Variants in FHIT observed in about 807,000 individuals in gnomAD.
The protein encoded by FHIT is bis(5'-adenosyl)-triphosphatase.
A neutral mutation model predicts 17.9 loss-of-function variants in FHIT; 19 were observed. That is an observed-to-expected ratio of 1.06 (90% CI 0.74 to 1.56). The LOEUF is 1.56. Among genes scored for constraint, FHIT ranks in the 40% most tolerant of loss-of-function variants. FHIT has a pLI of 0.00. For missense variants in FHIT, 248 were observed against 189.2 expected (o/e 1.31, Z -1.82); for synonymous variants, 81 against 69.7 (o/e 1.16, Z -0.81).
At chr3:60,500,771 TAA>T (rs71092606) in intron 5 of FHIT, among the ~76,000 whole-genome samples, 2,150 of 64,772 alleles carry the variant, frequency 0.033, 68 homozygotes, top group African/African-American at 0.12. Context: ...AGCATCCATC[TAA>T]AAAAAAAAAA....
chr3:60,275,233 A>C (rs2107635251), intron 5 of FHIT, among the ~76,000 whole-genome samples: 1 of 151,272 alleles, frequency 6.6e-6, no homozygotes, highest in African/African-American at 2.4e-5. Context: ...AAGAAAAGAA[A>C]AAAAAAAAAA....
intron 4 of FHIT, among the ~76,000 whole-genome samples, chr3:60,637,592 G>A (rs1157647343): frequency 6.6e-6 from 1 of 151,968 alleles, no homozygotes; most frequent in African/African-American, 2.4e-5. Context: ...ATTCCTATTG[G>A]CTGTCTATTG....
intron 4 of FHIT, among the ~76,000 whole-genome samples, chr3:60,624,870 TGATAA>T (rs139394415): frequency 0.013 from 1,900 of 151,914 alleles, 36 homozygotes; most frequent in African/African-American, 0.042. Flanking sequence ...ATTCAGAAAT[TGATAA>T]GATATTTGGC....
intron 2 of FHIT, among the ~76,000 whole-genome samples, chr3:61,135,328 C>T (rs988721020): frequency 5.3e-5 from 8 of 152,144 alleles, no homozygotes; most frequent in East Asian, 3.8e-4. Flanking sequence ...ATAGAGAAGG[C>T]GTTGTACTCC....
At chr3:61,163,109 A>C (rs1044224754) in intron 2 of FHIT, among the ~76,000 whole-genome samples, 1 of 152,120 alleles carries the variant, frequency 6.6e-6, no homozygotes, top group Non-Finnish European at 1.5e-5. Flanking sequence ...CTCTCTGCAC[A>C]TGCCATTTCC....
intron 4 of FHIT, among the ~76,000 whole-genome samples, chr3:60,728,485 G>A (rs1182974293): frequency 1.1e-4 from 16 of 151,920 alleles, no homozygotes; most frequent in African/African-American, 3.6e-4. Context: ...AAAAACAGAC[G>A]TTTGTATTCC....
At chr3:60,292,614 T>C (rs1016711993) in intron 5 of FHIT, among the ~76,000 whole-genome samples, 7 of 152,158 alleles carry the variant, frequency 4.6e-5, no homozygotes, top group African/African-American at 7.2e-5. Flanking sequence ...ATTCTATCTG[T>C]GACTTGATAA....
chr3:60,861,818 C>T (rs1703915195), intron 3 of FHIT, among the ~76,000 whole-genome samples: 1 of 151,458 alleles, frequency 6.6e-6, no homozygotes, highest in Non-Finnish European at 1.5e-5. Context: ...TTTAAAAAAG[C>T]TAGTTTGTGT....
At chr3:59,906,509 C>G (rs371326330) in intron 8 of FHIT, among the ~76,000 whole-genome samples, 7 of 152,282 alleles carry the variant, frequency 4.6e-5, no homozygotes, top group African/African-American at 1.7e-4. Flanking sequence ...ACATTGAAAC[C>G]TATTTAGCAA....
intron 5 of FHIT, among the ~76,000 whole-genome samples, chr3:60,254,244 A>C (rs1391304809): frequency 6.6e-6 from 1 of 152,198 alleles, no homozygotes; most frequent in Non-Finnish European, 1.5e-5. Context: ...TCTTGAGTGA[A>C]ATCATTTCCC....
chr3:60,629,248 T>G (rs1292256012), intron 4 of FHIT, among the ~76,000 whole-genome samples: 3 of 152,026 alleles, frequency 2.0e-5, no homozygotes, highest in Non-Finnish European at 4.4e-5. Flanking sequence ...CTGCCCAGAG[T>G]GGAGGCTCCA....
At chr3:61,210,301 C>T (rs1021693200) in intron 1 of FHIT, among the ~76,000 whole-genome samples, 3 of 152,308 alleles carry the variant, frequency 2.0e-5, no homozygotes, top group South Asian at 2.1e-4. Flanking sequence ...TCTCAAGCTG[C>T]GTGCTGGGAG....
chr3:60,525,454 G>C (rs1304793994), intron 5 of FHIT, among the ~76,000 whole-genome samples: 1 of 151,828 alleles, frequency 6.6e-6, no homozygotes, highest in Non-Finnish European at 1.5e-5. Context: ...TTTTTTTTAA[G>C]ATTTATGTCA....
intron 5 of FHIT, among the ~76,000 whole-genome samples, chr3:60,534,856 T>G (rs1411236787): frequency 3.3e-5 from 5 of 152,216 alleles, no homozygotes; most frequent in Non-Finnish European, 5.9e-5. Context: ...TCACTACAGA[T>G]ATTTTCCTAG....
chr3:60,511,133 T>G lies in FHIT; in HGVS notation c.103+25727A>C, dbSNP rs2611402. Among the ~76,000 whole-genome samples, 740 of 152,298 alleles carry G rather than the reference T, an allele frequency of 4.9e-3. 6 individuals carry two copies. Among genetic ancestry groups the G allele is most frequent in the Middle Eastern group, 0.027 (8 of 294 alleles). On this transcript the variant is annotated intron_variant, in intron 5 of 9. Coordinates refer to ENST00000492590, the MANE Select transcript of FHIT (RefSeq NM_002012.4). ...TCTCATGTCTGCCCATTACTTTCAG[T>G]GAGACTTTGCATAAGGTTATCCATC...
chr3:60,497,187 C>T (rs1299526151), intron 5 of FHIT, among the ~76,000 whole-genome samples: 1 of 152,036 alleles, frequency 6.6e-6, no homozygotes, highest in Non-Finnish European at 1.5e-5. Flanking sequence ...CACAGGACAG[C>T]CCCCACAAGA....
At chr3:59,825,630 A>T (rs573119995) in intron 8 of FHIT, among the ~76,000 whole-genome samples, 1 of 152,340 alleles carries the variant, frequency 6.6e-6, no homozygotes, top group East Asian at 1.9e-4. Flanking sequence ...TAAGGCACAG[A>T]CAGTTTAAGA....
chr3:60,217,390 T>G (rs1170730635), intron 5 of FHIT, among the ~76,000 whole-genome samples: 1 of 152,222 alleles, frequency 6.6e-6, no homozygotes, highest in Non-Finnish European at 1.5e-5. Context: ...AGTTCCACTT[T>G]GTGCTGCTTC....
At chr3:60,008,088 A>G (rs1189075842) in intron 7 of FHIT, among the ~76,000 whole-genome samples, 1 of 152,196 alleles carries the variant, frequency 6.6e-6, no homozygotes, top group Non-Finnish European at 1.5e-5. Flanking sequence ...GAACTAGAGA[A>G]AAGACAGAGG....
Sources: gnomAD v4.1 joint callset for allele counts (sites outside exome capture counted in the v4.1 genomes callset) on GRCh38, gnomAD v4.1.1 for gene constraint, MANE v1.5 for transcripts, NCBI Gene and HGNC (gene_info 2026-07-23, HGNC 2026-07-21) for gene names.